Variants in FGF12 observed in about 807,000 individuals in gnomAD.
FGF12 encodes the protein fibroblast growth factor 12B.
In FGF12, 14 loss-of-function variants were observed where a neutral mutation model predicts 23.6. That is an observed-to-expected ratio of 0.59 (90% confidence interval 0.39 to 0.93). The LOEUF (loss-of-function observed/expected upper bound fraction) is 0.93. Ranked by LOEUF, FGF12 falls within the 40% of genes least tolerant of loss-of-function variation. FGF12 has a pLI of 0.00. For missense variants in FGF12, 175 were observed against 217.8 expected (o/e 0.80, Z 1.24); for synonymous variants, 62 against 77.3 (o/e 0.80, Z 1.04).
intron 2 of FGF12, among the ~76,000 whole-genome samples, chr3:192,427,575 T>A (rs964148627): frequency 1.3e-5 from 2 of 152,206 alleles, no homozygotes; most frequent in Admixed American, 6.5e-5. Flanking sequence ...TTCTAATCAA[T>A]ATGGTAGGCA....
chr3:192,659,321 T>A (rs924195053), intron 2 of FGF12, among the ~76,000 whole-genome samples: 1 of 152,100 alleles, frequency 6.6e-6, no homozygotes, highest in African/African-American at 2.4e-5. Flanking sequence ...ACTAAACTGA[T>A]AATATCTAAC....
intron 2 of FGF12, among the ~76,000 whole-genome samples, chr3:192,464,789 G>A (rs759338600): frequency 1.1e-4 from 16 of 152,120 alleles, no homozygotes; most frequent in Admixed American, 2.6e-4. Flanking sequence ...GAAGGGTAGT[G>A]CAAGCCTGCC....
intron 4 of FGF12, among the ~76,000 whole-genome samples, chr3:192,304,571 A>C (rs1019256891): frequency 6.6e-6 from 1 of 152,038 alleles, no homozygotes; most frequent in African/African-American, 2.4e-5. Flanking sequence ...CTCAATTCTC[A>C]CTCAACTCCA....
intron 3 of FGF12, among the ~76,000 whole-genome samples, chr3:192,354,452 AGCATG>A (rs1312323760): frequency 6.6e-6 from 1 of 150,790 alleles, no homozygotes; most frequent in East Asian, 1.9e-4. Flanking sequence ...AAAAGAATAA[AGCATG>A]GCAAAAAAAA....
intron 2 of FGF12, among the ~76,000 whole-genome samples, chr3:192,623,142 A>T (rs1239087305): frequency 2.0e-5 from 3 of 152,190 alleles, no homozygotes; most frequent in Non-Finnish European, 4.4e-5. Flanking sequence ...TAGAAATAAC[A>T]TGGTCTTTGT....
intron 2 of FGF12, among the ~76,000 whole-genome samples, chr3:192,479,881 T>C (rs940012215): frequency 3.0e-4 from 45 of 152,174 alleles, no homozygotes; most frequent in Non-Finnish European, 4.0e-4. Flanking sequence ...ATAAACACTA[T>C]AGAGCATATA....
chr3:192,710,908 G>A (rs1018027216), intron 2 of FGF12, among the ~76,000 whole-genome samples: 3 of 152,284 alleles, frequency 2.0e-5, no homozygotes, highest in African/African-American at 7.2e-5. Flanking sequence ...CAAGAGAATG[G>A]AAGAGTCTTC....
At chr3:192,598,785 G>A (rs73060540) in intron 2 of FGF12, among the ~76,000 whole-genome samples, 3,449 of 152,234 alleles carry the variant, frequency 0.023, 84 homozygotes, top group African/African-American at 0.06. Flanking sequence ...CAAATCCAAA[G>A]AGTGGAGTGG....
intron 2 of FGF12, among the ~76,000 whole-genome samples, chr3:192,508,186 GTAGGTCGGTACTAGAAGCT>G (rs1362199047): frequency 3.9e-5 from 6 of 152,336 alleles, no homozygotes; most frequent in Admixed American, 3.9e-4. Context: ...AGTGGAGGGG[GTAGGTCGGTACTAGAAGCT>G]TATGTATAAA....
chr3:192,344,361 A>AG (rs938119669), intron 3 of FGF12, among the ~76,000 whole-genome samples: 2 of 151,020 alleles, frequency 1.3e-5, no homozygotes, highest in Non-Finnish European at 2.9e-5. Context: ...ATGTTATGGG[A>AG]GAAAAAAAAA....
intron 2 of FGF12, among the ~76,000 whole-genome samples, chr3:192,425,360 GACATGAGAACTGCCC>G (rs939446140): frequency 1.3e-5 from 2 of 152,120 alleles, no homozygotes; most frequent in Non-Finnish European, 2.9e-5. Context: ...ACCATGGAGT[GACATGAGAACTGCCC>G]ACTTAAGGAA....
chr3:192,207,663 A>G (rs1041495339), intron 4 of FGF12, among the ~76,000 whole-genome samples: 42 of 152,312 alleles, frequency 2.8e-4, no homozygotes, highest in Middle Eastern at 3.4e-3. Flanking sequence ...ACTTTGCTAA[A>G]GGGCTTGGCA....
chr3:192,442,684 T>C (rs1227244726), intron 2 of FGF12, among the ~76,000 whole-genome samples: 1 of 152,252 alleles, frequency 6.6e-6, no homozygotes, highest in East Asian at 1.9e-4. Context: ...AAAATCTCAG[T>C]ATTTACATGA....
chr3:192,284,585 T>C (rs1714341111), intron 4 of FGF12, among the ~76,000 whole-genome samples: 1 of 152,084 alleles, frequency 6.6e-6, no homozygotes, highest in African/African-American at 2.4e-5. Flanking sequence ...ATTTGATTTT[T>C]GAGAAGCAGG....
intron 2 of FGF12, among the ~76,000 whole-genome samples, chr3:192,524,643 A>G (rs1477896198): frequency 6.6e-6 from 1 of 152,214 alleles, no homozygotes; most frequent in Non-Finnish European, 1.5e-5. Flanking sequence ...GTACGTATGT[A>G]TATATCTTTC....
Position 192,399,851 on chromosome 3 carries a change from C to T in FGF12, c.14-39313G>A, listed in dbSNP as rs564677362. ...TAGGGAACCAAGTTTGGTCTTAGGCCTTAGGGCCCTCTCTACTGACTCCTG... is the reference window on the plus strand; with the variant it reads ...TAGGGAACCAAGTTTGGTCTTAGGCTTTAGGGCCCTCTCTACTGACTCCTG... On this transcript the variant is annotated intron_variant, in intron 2 of 5. Transcript: ENST00000445105. Among the ~76,000 whole-genome samples, 20 of 152,270 alleles carry T rather than the reference C, an allele frequency of 1.3e-4. No individual in the cohort carries two copies. The South Asian group carries it at 3.5e-3, about 27-fold the overall frequency.
chr3:192,360,346 G>T lies in FGF12; in HGVS notation c.124+82C>A, dbSNP rs2108732368. The T allele has an allele frequency of 1.1e-6, 1 of 941,290 alleles. No homozygotes were observed. Among genetic ancestry groups the T allele is most frequent in the Non-Finnish European group, 1.7e-6 (1 of 581,246 alleles). 58.3% of individuals were successfully genotyped at this position (941,290 alleles called of 1,614,324 possible). A position where few individuals can be genotyped will look rare whatever the true frequency, so the allele number is the denominator to read the frequency against. ...TTGAAAGGCATAGTTTGGTAAGGCA[G>T]CTTAGCAATGCTTTAAGTATAAGAT... is the stretch of plus-strand genomic sequence containing the variant. On this transcript the variant is annotated intron_variant, in intron 3 of 5. Transcript: ENST00000445105. The surrounding 1 kb of genome is among the most constrained non-coding windows in gnomAD (Gnocchi z 4.3).
chr3:192,486,698 G>C (rs1033570450), intron 2 of FGF12, among the ~76,000 whole-genome samples: 1 of 152,134 alleles, frequency 6.6e-6, no homozygotes, highest in African/African-American at 2.4e-5. Context: ...ATTCTGAGTG[G>C]AATGGGAAGA....
chr3:192,482,712 G>A (rs901410094), intron 2 of FGF12, among the ~76,000 whole-genome samples: 2 of 152,120 alleles, frequency 1.3e-5, no homozygotes, highest in African/African-American at 4.8e-5. Context: ...CCTTTTAGCT[G>A]TGTGATCTTG....
Sources: allele counts gnomAD v4.1 joint callset (sites outside exome capture counted in the v4.1 genomes callset), GRCh38; gene constraint gnomAD v4.1.1; non-coding constraint Gnocchi (gnomAD v3.1); transcripts MANE v1.5; gene names NCBI Gene and HGNC (gene_info 2026-07-23, HGNC 2026-07-21).